ADAMTS19: variants seen among roughly 807,000 people sequenced by gnomAD.
ADAMTS19 encodes ADAM metallopeptidase with thrombospondin type 1 motif 19.
ADAMTS19 carries 93 observed loss-of-function variants against 153.3 expected under a neutral mutation model. That is an observed-to-expected ratio of 0.61 (90% CI 0.51 to 0.72). ADAMTS19 has a LOEUF of 0.72. ADAMTS19 is among the 30% of genes least tolerant of loss of function. The probability of loss-of-function intolerance (pLI) is 0.00; values close to 1 mark genes in which losing one functional copy is unlikely to be tolerated. For synonymous variants in ADAMTS19, 600 were observed against 556.6 expected, an observed-to-expected ratio of 1.08 and a Z score of -1.10; for missense variants, 1,482 against 1,552.1, an observed-to-expected ratio of 0.95 and a Z score of 0.76.
intron 3 of ADAMTS19, among the ~76,000 whole-genome samples, chr5:129,512,769 C>A (rs941986948): frequency 6.6e-6 from 1 of 152,060 alleles, no homozygotes; most frequent in African/African-American, 2.4e-5. Context: ...TAAAAAGCCT[C>A]TCATTTTATA....
rs971934623 is a variant in ADAMTS19 at position 129,467,967 on chromosome 5, C to T, written c.747+6210C>T. Among the ~76,000 whole-genome samples the T allele has an allele frequency of 4.6e-5, 7 of 152,218 alleles. 1 individual carries two copies. Among genetic ancestry groups the T allele is most frequent in the South Asian group, 2.1e-4 (1 of 4,830 alleles). On this transcript the variant is annotated intron_variant, in intron 2 of 22. Coordinates refer to ENST00000274487, the MANE Select transcript of ADAMTS19 (RefSeq NM_133638.6). ...AACCCATACTATTTACACACACACA[C>T]GTGGTATTACCACAATTGAGTGTGT...
Position 129,461,479 on chromosome 5 carries a change from T to TC in ADAMTS19, c.473dup (p.Pro159AlafsTer99), listed in dbSNP as rs1749659182. On this transcript the variant is annotated frameshift_variant, in exon 2 of 23. Coordinates refer to ENST00000274487, the MANE Select transcript of ADAMTS19 (RefSeq NM_133638.6). LOFTEE classifies it high-confidence loss of function. The surrounding 1 kb of genome is among the most constrained non-coding windows in gnomAD (Gnocchi z 4.6). ...GCCGCCTCCCCCGCAGCCGCCCCCG[T>TC]CCCCGCCCCCGGCCCAGCATGCCGA... The TC allele has an allele frequency of 6.8e-7, 1 of 1,477,794 alleles. No homozygotes were observed. Among genetic ancestry groups the TC allele is most frequent in the Non-Finnish European group, 8.9e-7 (1 of 1,123,224 alleles). The allele number at this position is 1,477,794 out of a possible 1,614,324, so 91.5% of individuals were successfully genotyped here. A position where few individuals can be genotyped will look rare whatever the true frequency, so the allele number is the denominator to read the frequency against.
intron 7 of ADAMTS19, among the ~76,000 whole-genome samples, chr5:129,576,491 T>A (rs1754105332): frequency 6.6e-6 from 1 of 152,134 alleles, no homozygotes; most frequent in Admixed American, 6.5e-5. Context: ...GTATTAAATC[T>A]TTCTCATAAG....
At chr5:129,531,259 T>C (rs138779638) in intron 6 of ADAMTS19, among the ~76,000 whole-genome samples, 3 of 152,256 alleles carry the variant, frequency 2.0e-5, no homozygotes, top group Non-Finnish European at 2.9e-5. Flanking sequence ...TTTGTAGAAA[T>C]TGACAAGCTG....
Position 129,461,180 on chromosome 5 carries a change from C to A in ADAMTS19, c.170C>A (p.Ala57Asp). The change falls in exon 2 of 23, where the codon GCT becomes GAT. Residue 57 changes from alanine (A) to aspartate (D), a missense_variant. By Grantham distance (126) the Ala-to-Asp change is moderately radical. Transcript: ENST00000274487. The surrounding 1 kb of genome is among the most constrained non-coding windows in gnomAD (Gnocchi z 4.6). ...TGGCGCCGGGAGCCGGTGGACCCGG[C>A]TGGCGGCAGCGGGGGCAGCGCGGAC... ...ALWRREPVDPAGGSGGSADPG... is the reference protein window; with the variant it reads ...ALWRREPVDPDGGSGGSADPG... 2 of 1,367,586 alleles carry A rather than the reference C, an allele frequency of 1.5e-6. No homozygotes were observed. The highest frequency in any genetic ancestry group is 1.9e-6 in the Non-Finnish European group (2 of 1,058,140). 84.7% of individuals were successfully genotyped at this position (1,367,586 alleles called of 1,614,324 possible).
chr5:129,711,041 A>G (rs1163940600), intron 21 of ADAMTS19, among the ~76,000 whole-genome samples: 2 of 152,202 alleles, frequency 1.3e-5, no homozygotes, highest in Non-Finnish European at 2.9e-5. Flanking sequence ...CACTACCCCA[A>G]TTAAAATCAA....
In ADAMTS19 at chr5:129,468,692, T is replaced by A. The variant is rs1336866592; in HGVS notation, c.747+6935T>A. Among the ~76,000 whole-genome samples the A allele has an allele frequency of 2.0e-5, 3 of 152,280 alleles. No homozygotes were observed. In the East Asian group the frequency reaches 5.8e-4, roughly 29 times the overall value. On this transcript the variant is annotated intron_variant, in intron 2 of 22. Coordinates refer to ENST00000274487, the MANE Select transcript of ADAMTS19 (RefSeq NM_133638.6). The stretch of plus-strand genomic sequence containing the variant: ...CTTAATATAGTTGTAATTTACATTT[T>A]TTGTTGTTATGGTGAGGTTGAGTGT...
intron 8 of ADAMTS19, among the ~76,000 whole-genome samples, chr5:129,612,786 G>A (rs1751297976): frequency 6.6e-6 from 1 of 152,070 alleles, no homozygotes; most frequent in Non-Finnish European, 1.5e-5. Flanking sequence ...GCTGTATTCA[G>A]GAAACCCATC....
chr5:129,532,350 A>C (rs1288306658), intron 6 of ADAMTS19, among the ~76,000 whole-genome samples: 1 of 152,184 alleles, frequency 6.6e-6, no homozygotes, highest in Non-Finnish European at 1.5e-5. Context: ...ATGAATCTCC[A>C]ATAAGCATAT....
At chr5:129,694,611 TAAA>T (rs1167064274) in intron 18 of ADAMTS19, 106 bp from the exon 19 acceptor site, 1 of 710,556 alleles carries the variant, frequency 1.4e-6, no homozygotes, top group African/African-American at 1.9e-5. Context: ...ATTTAAATTA[TAAA>T]AAAGTTTTTT....
At chr5:129,674,563 A>G (rs1246811480) in intron 16 of ADAMTS19, among the ~76,000 whole-genome samples, 3 of 151,242 alleles carry the variant, frequency 2.0e-5, no homozygotes, top group Non-Finnish European at 4.4e-5. Context: ...TTCTTGCTTT[A>G]TATTTTTAAT....
intron 11 of ADAMTS19, among the ~76,000 whole-genome samples, chr5:129,646,237 T>G (rs937081233): frequency 5.3e-5 from 8 of 152,178 alleles, no homozygotes; most frequent in African/African-American, 1.9e-4. Context: ...CAAATTTATT[T>G]AATGAGAATC....
chr5:129,571,175 G>T (rs1753891990), intron 7 of ADAMTS19, among the ~76,000 whole-genome samples: 1 of 151,724 alleles, frequency 6.6e-6, no homozygotes, highest in Non-Finnish European at 1.5e-5. Context: ...AGGCATGTAT[G>T]AAAAAACTCC....
At chr5:129,619,404 C>T (rs953033822) in intron 8 of ADAMTS19, among the ~76,000 whole-genome samples, 4 of 151,900 alleles carry the variant, frequency 2.6e-5, no homozygotes, top group African/African-American at 7.3e-5. Flanking sequence ...ATTTATGATA[C>T]CTAGAAAATG....
intron 6 of ADAMTS19, among the ~76,000 whole-genome samples, chr5:129,531,135 A>G (rs1347682743): frequency 1.3e-5 from 2 of 152,316 alleles, no homozygotes; most frequent in East Asian, 3.9e-4. Flanking sequence ...GAGAAATTAA[A>G]TATCTAAATA....
chr5:129,679,344 T>C (rs1257407103), intron 16 of ADAMTS19, among the ~76,000 whole-genome samples: 4 of 152,204 alleles, frequency 2.6e-5, no homozygotes, highest in Non-Finnish European at 5.9e-5. Context: ...AATCACATAC[T>C]TTTCTGAATG....
chr5:129,647,984 A>T, intron 12 of ADAMTS19, 89 bp downstream of exon 12: 1 of 1,430,068 alleles, frequency 7.0e-7, no homozygotes, highest in Non-Finnish European at 9.5e-7. Flanking sequence ...AAAGCAAAAG[A>T]AGCTCCTCAA....
intron 11 of ADAMTS19, among the ~76,000 whole-genome samples, chr5:129,643,380 A>C (rs979319294): frequency 6.7e-6 from 1 of 149,508 alleles, no homozygotes; most frequent in Admixed American, 6.7e-5. Context: ...AAAAAAAAAA[A>C]AAAAAAGAAA....
At chr5:129,460,850 A>T (rs1749622172) in intron 1 of ADAMTS19, among the ~76,000 whole-genome samples, 1 of 152,060 alleles carries the variant, frequency 6.6e-6, no homozygotes, top group Non-Finnish European at 1.5e-5. Flanking sequence ...CTTTTCAACA[A>T]TGAAGTGCGG....
Sources: allele counts gnomAD v4.1 joint callset (sites outside exome capture counted in the v4.1 genomes callset), GRCh38; gene constraint gnomAD v4.1.1; non-coding constraint Gnocchi (gnomAD v3.1); transcripts MANE v1.5; gene names NCBI Gene and HGNC (gene_info 2026-07-23, HGNC 2026-07-21).